Variants in LRMDA observed in about 807,000 individuals in gnomAD.
LRMDA encodes the protein leucine rich melanocyte differentiation associated.
Under a neutral mutation model 29.8 loss-of-function variants are expected in LRMDA, and 18 were observed. The observed-to-expected ratio is 0.60, with a 90% CI of 0.42 to 0.90. The LOEUF (loss-of-function observed/expected upper bound fraction) is 0.90. Among genes scored for constraint, LRMDA ranks in the 40% least tolerant of loss-of-function variants. The pLI is 0.00. For synonymous variants in LRMDA, 125 were observed against 109.4 expected (o/e 1.14, Z -0.89); for missense variants, 273 against 273.9 (o/e 1.00, Z 0.02).
At chr10:76,075,061 C>A (rs1182529703) in intron 5 of LRMDA, among the ~76,000 whole-genome samples, 5 of 152,146 alleles carry the variant, frequency 3.3e-5, no homozygotes, top group Admixed American at 1.3e-4. Flanking sequence ...TTGGGTGGCA[C>A]ACATCACTTC....
At chr10:76,216,189 C>CA (rs1851725819) in intron 5 of LRMDA, among the ~76,000 whole-genome samples, 1 of 151,914 alleles carries the variant, frequency 6.6e-6, no homozygotes, top group African/African-American at 2.4e-5. Flanking sequence ...CCCATCTGTA[C>CA]AAAAAATAAA....
At chr10:76,431,933 CT>C (rs1341854221) in intron 6 of LRMDA, among the ~76,000 whole-genome samples, 1 of 152,198 alleles carries the variant, frequency 6.6e-6, no homozygotes, top group East Asian at 1.9e-4. Flanking sequence ...TGAGACATGC[CT>C]TTCACCTTCT....
chr10:76,519,735 T>G (rs919317290), intron 6 of LRMDA, among the ~76,000 whole-genome samples: 2 of 152,192 alleles, frequency 1.3e-5, no homozygotes, highest in African/African-American at 4.8e-5. Flanking sequence ...TTTAAAAAAT[T>G]TATATGATGC....
At chr10:76,357,800 A>G (rs189802537) in intron 6 of LRMDA, among the ~76,000 whole-genome samples, 1 of 152,270 alleles carries the variant, frequency 6.6e-6, no homozygotes, top group East Asian at 1.9e-4. Context: ...CCCTTTAGGA[A>G]GGCTGTGAGC....
intron 2 of LRMDA, among the ~76,000 whole-genome samples, chr10:75,612,142 A>G (rs778451968): frequency 3.3e-5 from 5 of 152,248 alleles, no homozygotes; most frequent in Non-Finnish European, 7.3e-5. Context: ...TCCTTTGGAA[A>G]TACCCAGGGG....
At chr10:75,484,219 G>T (rs1844884528) in intron 2 of LRMDA, among the ~76,000 whole-genome samples, 1 of 152,170 alleles carries the variant, frequency 6.6e-6, no homozygotes, top group South Asian at 2.1e-4. Context: ...GCCTCTCAAA[G>T]TGCTGGGATT....
chr10:76,256,403 G>A (rs564955830), intron 5 of LRMDA, among the ~76,000 whole-genome samples: 10 of 152,194 alleles, frequency 6.6e-5, no homozygotes, highest in African/African-American at 9.6e-5. Flanking sequence ...TGCTTCAGTC[G>A]GAGTCCTTTG....
intron 6 of LRMDA, among the ~76,000 whole-genome samples, chr10:76,426,378 C>T (rs1250590326): frequency 2.6e-5 from 4 of 152,146 alleles, no homozygotes; most frequent in Non-Finnish European, 4.4e-5. Flanking sequence ...TTTCATGTGT[C>T]TGTTGGCTGC....
intron 5 of LRMDA, among the ~76,000 whole-genome samples, chr10:76,066,589 C>T (rs566563939): frequency 6.6e-6 from 1 of 152,262 alleles, no homozygotes; most frequent in East Asian, 1.9e-4. Context: ...CCTTACATTT[C>T]ATTAACAAGG....
intron 2 of LRMDA, among the ~76,000 whole-genome samples, chr10:75,576,383 G>T (rs1186404842): frequency 6.6e-6 from 1 of 152,238 alleles, no homozygotes; most frequent in East Asian, 1.9e-4. Context: ...GGGACTTATA[G>T]ATAAAACCCC....
At chr10:75,811,734 C>G (rs995671424) in intron 2 of LRMDA, among the ~76,000 whole-genome samples, 1 of 152,212 alleles carries the variant, frequency 6.6e-6, no homozygotes, top group Non-Finnish European at 1.5e-5. Context: ...GCTCCCATTC[C>G]TACCTCCCAT....
At chr10:75,745,357 T>G (rs1169930247) in intron 2 of LRMDA, among the ~76,000 whole-genome samples, 1 of 152,200 alleles carries the variant, frequency 6.6e-6, no homozygotes, top group East Asian at 1.9e-4. Context: ...TCACATAACA[T>G]GATTCGCATC....
At chr10:75,878,788 G>A (rs915193764) in intron 2 of LRMDA, among the ~76,000 whole-genome samples, 2 of 152,034 alleles carry the variant, frequency 1.3e-5, no homozygotes, top group African/African-American at 2.4e-5. Flanking sequence ...AGTGTAGTCT[G>A]GCTGGCTTCC....
chr10:76,078,975 CT>C lies in LRMDA; in HGVS notation c.516+20194del, dbSNP rs528309019. ...TTCTTCTTCCCACTCATTCATCCAT[CT>C]TATATTTACTTTGTTTATCAGGGTC... is the stretch of plus-strand genomic sequence containing the variant. On this transcript the variant is annotated intron_variant, in intron 5 of 6. Coordinates refer to ENST00000611255, the MANE Select transcript of LRMDA (RefSeq NM_001305581.2). 5.9e-4 allele frequency among the ~76,000 whole-genome samples: 90 copies of C among 152,302 alleles called. 1 individual carries two copies. The highest frequency in any genetic ancestry group is 2.1e-3 in the African/African-American group (88 of 41,562).
intron 5 of LRMDA, among the ~76,000 whole-genome samples, chr10:76,261,597 A>C (rs1481557985): frequency 2.0e-5 from 3 of 152,196 alleles, no homozygotes; most frequent in African/African-American, 7.2e-5. Context: ...TATCAAGGAG[A>C]TAACTAGATT....
In LRMDA at chr10:75,692,754, G is replaced by A. The variant is rs139206221; in HGVS notation, c.131+254260G>A. Among the ~76,000 whole-genome samples the A allele has an allele frequency of 1.6e-3, 241 of 151,922 alleles. 1 individual carries two copies. The highest frequency in any genetic ancestry group is 4.4e-3 in the Admixed American group (67 of 15,236). On this transcript the variant is annotated intron_variant, in intron 2 of 6. Transcript: ENST00000611255. ...CACTGTCTGAGGTTGCTGTGTTTCC[G>A]GCATCCCTAGCTGTAGTAGAGAGGC... is the stretch of plus-strand genomic sequence containing the variant.
chr10:76,094,563 C>T (rs1176157188), intron 5 of LRMDA, among the ~76,000 whole-genome samples: 1 of 151,956 alleles, frequency 6.6e-6, no homozygotes, highest in Non-Finnish European at 1.5e-5. Flanking sequence ...TATATTACAT[C>T]ATTATTCCAG....
At chr10:76,422,748 G>A (rs1842083380) in intron 6 of LRMDA, among the ~76,000 whole-genome samples, 1 of 152,222 alleles carries the variant, frequency 6.6e-6, no homozygotes, top group Admixed American at 6.5e-5. Context: ...GAATAGAAGT[G>A]AAAGGTTTGC....
chr10:76,413,185 A>G (rs1036519392), intron 6 of LRMDA, among the ~76,000 whole-genome samples: 4 of 151,892 alleles, frequency 2.6e-5, no homozygotes, highest in Non-Finnish European at 4.4e-5. Flanking sequence ...TTTCTTTTCG[A>G]CACTCCTAGC....
Sources: allele counts gnomAD v4.1 joint callset (sites outside exome capture counted in the v4.1 genomes callset), GRCh38; gene constraint gnomAD v4.1.1; transcripts MANE v1.5; gene names NCBI Gene and HGNC (gene_info 2026-07-23, HGNC 2026-07-21).